PXDNL: variants seen among roughly 807,000 people sequenced by gnomAD.
PXDNL encodes peroxidasin like, also known as probable oxidoreductase PXDNL.
PXDNL carries 145 observed loss-of-function variants against 150.8 expected under a neutral mutation model. The observed-to-expected ratio is 0.96, with a 90% CI of 0.84 to 1.10. The LOEUF (loss-of-function observed/expected upper bound fraction) is 1.10. PXDNL is among the 50% of genes least tolerant of loss of function. PXDNL has a pLI of 0.00. For synonymous variants in PXDNL, 757 were observed against 725.7 expected (o/e 1.04, Z -0.69); for missense variants, 2,087 against 1,873.9 (o/e 1.11, Z -2.10).
rs1808545949 is a variant in PXDNL, at chr8:51,409,200, C to T, written c.2424G>A (p.Trp808Ter). ...SYTRMLMHWG[W>*]FLEHDLDHTV... ...TGTGGTCCAAGTCGTGCTCTAGAAA[C>T]CAGCCCCAGTGCATGAGCATGCGCG... is the stretch of plus-strand genomic sequence containing the variant. The change falls in exon 17 of 23, where the codon TGG (tryptophan) becomes TGA (stop). Residue 808 changes from tryptophan (W) to a stop codon, truncating the protein, a stop_gained. Transcript: ENST00000356297. LOFTEE classifies it high-confidence loss of function. 1 of 1,587,958 alleles carries T rather than the reference C, an allele frequency of 6.3e-7. No individual in the cohort carries two copies. The highest frequency in any genetic ancestry group is 1.1e-5 in the South Asian group (1 of 88,582).
At chr8:51,519,816 T>C (rs569465247) in intron 4 of PXDNL, among the ~76,000 whole-genome samples, 2 of 152,298 alleles carry the variant, frequency 1.3e-5, no homozygotes, top group Admixed American at 6.5e-5. Flanking sequence ...GTCCTTACAA[T>C]AAAAACAAGT....
At chr8:51,624,113 A>T (rs1046768226) in intron 2 of PXDNL, among the ~76,000 whole-genome samples, 1 of 145,990 alleles carries the variant, frequency 6.8e-6, no homozygotes, top group African/African-American at 2.8e-5. Context: ...AAAAAAAAAA[A>T]AAAAAAAAAA....
chr8:51,325,464 G>T lies in PXDNL; in HGVS notation c.4147-4567C>A, dbSNP rs80326799. 7.2e-5 allele frequency among the ~76,000 whole-genome samples: 11 copies of T among 152,306 alleles called. No homozygotes were observed. The East Asian group carries it at 1.7e-3, about 24-fold the overall frequency. On this transcript the variant is annotated intron_variant, in intron 21 of 22. Coordinates refer to ENST00000356297, the MANE Select transcript of PXDNL (RefSeq NM_144651.5). ...GTTCTCTTCATTACTGCTGGGTAGA[G>T]TTGGGGTTCTGGCTCCCTGTCAGGC...
intron 17 of PXDNL, among the ~76,000 whole-genome samples, chr8:51,376,456 G>A (rs979861990): frequency 4.6e-5 from 7 of 152,058 alleles, no homozygotes; most frequent in African/African-American, 1.7e-4. Flanking sequence ...TGAATGTTGT[G>A]TTATTGTTTC....
intron 1 of PXDNL, among the ~76,000 whole-genome samples, chr8:51,731,885 C>T (rs1328693326): frequency 4.6e-5 from 7 of 152,176 alleles, no homozygotes; most frequent in African/African-American, 9.7e-5. Context: ...GCAAGGGGCC[C>T]GGAACCATTT....
intron 4 of PXDNL, among the ~76,000 whole-genome samples, chr8:51,550,912 C>A (rs756658074): frequency 2.0e-5 from 3 of 152,098 alleles, no homozygotes; most frequent in Non-Finnish European, 4.4e-5. Flanking sequence ...TACCAGAAAA[C>A]CCTAAAGGCT....
intron 3 of PXDNL, among the ~76,000 whole-genome samples, chr8:51,565,321 A>AATAAATACATAG (rs569762504): frequency 1.5e-5 from 2 of 135,532 alleles, no homozygotes; most frequent in Non-Finnish European, 3.0e-5. Flanking sequence ...TAAATAAATA[A>AATAAATACATAG]ATAGATAGAT....
At chr8:51,763,925 G>A (rs544389581) in intron 1 of PXDNL, among the ~76,000 whole-genome samples, 11 of 152,218 alleles carry the variant, frequency 7.2e-5, no homozygotes, top group South Asian at 6.2e-4. Context: ...ATTCTTCAGC[G>A]AAGTCACCTG....
At chr8:51,697,148 A>G (rs1411779099) in intron 1 of PXDNL, among the ~76,000 whole-genome samples, 5 of 152,088 alleles carry the variant, frequency 3.3e-5, no homozygotes, top group Non-Finnish European at 7.4e-5. Flanking sequence ...TACTAAAAAT[A>G]CAAAACTTAG....
chr8:51,765,851 T>C, intron 1 of PXDNL, among the ~76,000 whole-genome samples: 1 of 7,430 alleles, frequency 1.3e-4, no homozygotes, highest in Non-Finnish European at 2.5e-4. Context: ...TGTTTATTCT[T>C]TTTTTTTTTT....
intron 4 of PXDNL, 125 bp from the exon 5 acceptor site, chr8:51,499,895 T>C (rs1025006925): frequency 8.0e-6 from 5 of 626,204 alleles, no homozygotes; most frequent in African/African-American, 3.7e-5. Flanking sequence ...ATATATCACA[T>C]ACAAAAATCA....
At chr8:51,427,134 A>G (rs879641218) in intron 12 of PXDNL, among the ~76,000 whole-genome samples, 20 of 152,252 alleles carry the variant, frequency 1.3e-4, no homozygotes, top group Non-Finnish European at 1.5e-4. Flanking sequence ...AAAAAGATCC[A>G]GCTCTTCAGT....
chr8:51,785,895 C>G (rs2037456439), intron 1 of PXDNL, among the ~76,000 whole-genome samples: 1 of 152,184 alleles, frequency 6.6e-6, no homozygotes, highest in South Asian at 2.1e-4. Context: ...GAAGGCATGT[C>G]AAAAGCCAAG....
intron 8 of PXDNL, among the ~76,000 whole-genome samples, chr8:51,464,178 A>G (rs1810151128): frequency 6.6e-6 from 1 of 152,158 alleles, no homozygotes; most frequent in East Asian, 1.9e-4. Context: ...AGCCTAGGCA[A>G]TGCAGCAAGA....
chr8:51,557,052 T>C (rs751445790), intron 3 of PXDNL, 141 bp from the exon 4 acceptor site: 3 of 590,650 alleles, frequency 5.1e-6, no homozygotes, highest in Non-Finnish European at 9.2e-6. Flanking sequence ...ATATAGAAAC[T>C]GTTATTTCAC....
At chr8:51,516,152 T>A in intron 4 of PXDNL, among the ~76,000 whole-genome samples, 1 of 152,304 alleles carries the variant, frequency 6.6e-6, no homozygotes, top group East Asian at 1.9e-4. Context: ...TATGTAACTT[T>A]AAAAAACAAA....
At chr8:51,514,458 G>A (rs78511079) in intron 4 of PXDNL, among the ~76,000 whole-genome samples, 2,013 of 152,206 alleles carry the variant, frequency 0.013, 40 homozygotes, top group African/African-American at 0.046. Context: ...CATTTAAGAC[G>A]CGGGGCAGCA....
chr8:51,534,420 G>A (rs548674790), intron 4 of PXDNL, among the ~76,000 whole-genome samples: 2,352 of 130,568 alleles, frequency 0.018, 59 homozygotes, highest in African/African-American at 0.072. Flanking sequence ...CTGCCCGGCC[G>A]CCCCTACTGG....
intron 17 of PXDNL, among the ~76,000 whole-genome samples, chr8:51,383,548 C>T (rs1030714806): frequency 3.3e-5 from 5 of 152,086 alleles, no homozygotes; most frequent in Admixed American, 2.6e-4. Context: ...GAGAGAGTAC[C>T]GCCCAAAGCA....
Sources: allele counts gnomAD v4.1 joint callset (sites outside exome capture counted in the v4.1 genomes callset), GRCh38; gene constraint gnomAD v4.1.1; transcripts MANE v1.5; gene names NCBI Gene and HGNC (gene_info 2026-07-23, HGNC 2026-07-21).